The following CPVL variants were observed in gnomAD, a reference collection of about 807,000 sequenced individuals.
CPVL encodes probable serine carboxypeptidase CPVL.
Under a neutral mutation model 63.7 loss-of-function variants are expected in CPVL, and 51 were observed. The observed-to-expected ratio is 0.80, with a 90% CI of 0.64 to 1.01. The LOEUF (loss-of-function observed/expected upper bound fraction) is 1.01, where lower values mean the gene tolerates loss of function less well. Ranked by LOEUF, CPVL falls within the 50% of genes least tolerant of loss-of-function variation. The pLI, the probability that CPVL is intolerant of heterozygous loss-of-function variation, is 0.00. For synonymous variants in CPVL, 195 were observed against 206.0 expected (o/e 0.95, Z 0.46); for missense variants, 530 against 573.1 (o/e 0.92, Z 0.77).
At chr7:29,078,971 C>T (rs1165524387) in intron 7 of CPVL, among the ~76,000 whole-genome samples, 3 of 152,130 alleles carry the variant, frequency 2.0e-5, no homozygotes, top group African/African-American at 4.8e-5. Context: ...AGAGTTAAAA[C>T]AGCTTGAATG....
chr7:29,029,727 G>T (rs1280442190), intron 12 of CPVL, among the ~76,000 whole-genome samples: 1 of 152,094 alleles, frequency 6.6e-6, no homozygotes, highest in South Asian at 2.1e-4. Context: ...AAATTCTAGT[G>T]TTCAATAGCA....
At chr7:29,085,385 T>C (rs1415119212) in intron 7 of CPVL, among the ~76,000 whole-genome samples, 1 of 152,182 alleles carries the variant, frequency 6.6e-6, no homozygotes, top group Non-Finnish European at 1.5e-5. Context: ...AAAAAACAAA[T>C]TTTAACAGAT....
chr7:29,168,025 G>T (rs964270721), intron 5 of CPVL, among the ~76,000 whole-genome samples: 2 of 152,162 alleles, frequency 1.3e-5, no homozygotes, highest in African/African-American at 4.8e-5. Context: ...ACCTAAACTG[G>T]ACATTTGTGT....
chr7:29,162,661 C>CAAAAA (rs35159645), intron 5 of CPVL, among the ~76,000 whole-genome samples: 3 of 58,372 alleles, frequency 5.1e-5, no homozygotes, highest in Admixed American at 1.5e-4. Context: ...AACTCCATCT[C>CAAAAA]AAAAAAAAAA....
At chr7:29,032,307 G>A (rs1788097842) in intron 11 of CPVL, among the ~76,000 whole-genome samples, 1 of 152,072 alleles carries the variant, frequency 6.6e-6, no homozygotes, top group Admixed American at 6.6e-5. Context: ...TAAGATGAAA[G>A]AGCCCTGGGC....
At chr7:29,152,394 C>T (rs992430532) in intron 5 of CPVL, among the ~76,000 whole-genome samples, 12 of 152,156 alleles carry the variant, frequency 7.9e-5, no homozygotes, top group African/African-American at 2.9e-4. Context: ...AAGCCAGTCC[C>T]CAGGTCTCTT....
Position 29,141,512 on chromosome 7 carries a change from TGC to T in CPVL, c.-11+4915_-11+4916del, listed in dbSNP as rs539919871. On this transcript the variant is annotated intron_variant, in intron 1 of 12. Coordinates refer to ENST00000265394, the MANE Select transcript of CPVL (RefSeq NM_031311.5). ...TTGCAGTGAGCCAAGATCGCCCCAC[TGC>T]ACTCCAGCCTGGGCGACAGGGTGAA... 2.9e-3 allele frequency among the ~76,000 whole-genome samples: 432 copies of T among 151,052 alleles called. 2 individuals carry two copies. The highest frequency in any genetic ancestry group is 0.01 in the African/African-American group (419 of 41,112).
At chr7:29,043,724 T>C (rs996800793) in intron 11 of CPVL, among the ~76,000 whole-genome samples, 2 of 152,142 alleles carry the variant, frequency 1.3e-5, no homozygotes, top group Non-Finnish European at 2.9e-5. Context: ...ATGGCACAGA[T>C]TGACTCATGG....
chr7:29,056,107 C>T (rs1267675328), intron 11 of CPVL, among the ~76,000 whole-genome samples: 1 of 152,154 alleles, frequency 6.6e-6, no homozygotes, highest in Non-Finnish European at 1.5e-5. Flanking sequence ...CCCTTATGCC[C>T]TCTCCCATAC....
chr7:29,146,964 A>G (rs1488763652), upstream of CPVL: 2 of 1,550,934 alleles, frequency 1.3e-6, no homozygotes, highest in East Asian at 2.4e-5. Context: ...ACTAGCAGTA[A>G]GCTCGCACCA....
At chr7:29,026,953 A>G (rs547771123) in intron 12 of CPVL, among the ~76,000 whole-genome samples, 3 of 152,298 alleles carry the variant, frequency 2.0e-5, no homozygotes, top group African/African-American at 7.2e-5. Flanking sequence ...CTAATTCTTT[A>G]AAATTAAAGA....
chr7:29,094,115 C>A (rs376574486), intron 5 of CPVL, among the ~76,000 whole-genome samples: 12 of 152,036 alleles, frequency 7.9e-5, no homozygotes, highest in Admixed American at 7.9e-4. Flanking sequence ...CTGAGGTGGG[C>A]GGATCACTTG....
chr7:29,180,481 C>T (rs1584599812), intron 5 of CPVL, among the ~76,000 whole-genome samples: 3 of 151,702 alleles, frequency 2.0e-5, no homozygotes, highest in Admixed American at 6.6e-5. Flanking sequence ...GAGCCGAGAT[C>T]GCGCCACTGC....
chr7:29,042,910 G>GC (rs773895208), intron 11 of CPVL, among the ~76,000 whole-genome samples: 9 of 152,222 alleles, frequency 5.9e-5, no homozygotes, highest in Non-Finnish European at 1.2e-4. Context: ...AGGGAGCAGA[G>GC]CATTCCGCAA....
intron 7 of CPVL, among the ~76,000 whole-genome samples, chr7:29,085,830 A>G (rs1785146960): frequency 6.6e-6 from 1 of 152,204 alleles, no homozygotes; most frequent in African/African-American, 2.4e-5. Flanking sequence ...CTAAGCACTG[A>G]GGAAAAAATC....
intron 9 of CPVL, among the ~76,000 whole-genome samples, chr7:29,070,768 G>A (rs1783653829): frequency 6.6e-6 from 1 of 152,114 alleles, no homozygotes; most frequent in Admixed American, 6.5e-5. Flanking sequence ...TGCCTTGGGG[G>A]ATTTCTGATA....
At chr7:29,076,924 G>A (rs1000685829) in intron 7 of CPVL, among the ~76,000 whole-genome samples, 4 of 152,192 alleles carry the variant, frequency 2.6e-5, no homozygotes, top group Middle Eastern at 3.2e-3. Context: ...TGGAAATCCC[G>A]TGAGGAGCAC....
intron 11 of CPVL, among the ~76,000 whole-genome samples, chr7:29,031,748 G>A (rs1035328437): frequency 9.9e-5 from 15 of 152,006 alleles, no homozygotes; most frequent in African/African-American, 3.6e-4. Context: ...TAATTGAGTA[G>A]GTAAATGCAC....
chr7:29,155,197 AAAAT>A (rs1247765817), intron 5 of CPVL, among the ~76,000 whole-genome samples: 3 of 152,202 alleles, frequency 2.0e-5, no homozygotes, highest in East Asian at 3.9e-4. Flanking sequence ...CCATCTCAAA[AAAAT>A]AAATAAATGA....
Sources: allele counts gnomAD v4.1 joint callset (sites outside exome capture counted in the v4.1 genomes callset), GRCh38; gene constraint gnomAD v4.1.1; transcripts MANE v1.5; gene names NCBI Gene and HGNC (gene_info 2026-07-23, HGNC 2026-07-21).